Variants in EPHA8 observed in about 807,000 individuals in gnomAD.
EPHA8 encodes the protein ephrin type-A receptor 8.
A neutral mutation model predicts 103.6 loss-of-function variants in EPHA8; 58 were observed. The observed-to-expected ratio is 0.56, with a 90% CI of 0.45 to 0.70. EPHA8 has a LOEUF of 0.70. EPHA8 is among the 30% of genes least tolerant of loss of function. The probability of loss-of-function intolerance (pLI) is 0.00; values close to 1 mark genes in which losing one functional copy is unlikely to be tolerated. For missense variants in EPHA8, 1,304 were observed against 1,395.2 expected, an observed-to-expected ratio of 0.93 and a Z score of 1.04; for synonymous variants, 559 against 572.5, an observed-to-expected ratio of 0.98 and a Z score of 0.34.
intron 2 of EPHA8, among the ~76,000 whole-genome samples, chr1:22,570,791 T>C (rs1177688172): frequency 6.6e-6 from 1 of 152,258 alleles, no homozygotes; most frequent in Non-Finnish European, 1.5e-5. Flanking sequence ...CCAGCACCAC[T>C]GCCTGAGCGC....
At chr1:22,580,833 A>C (rs536590483) in intron 3 of EPHA8, among the ~76,000 whole-genome samples, 1 of 152,348 alleles carries the variant, frequency 6.6e-6, no homozygotes, top group South Asian at 2.1e-4. Flanking sequence ...TGGAGCCTGA[A>C]GACAGGTCTG....
In EPHA8 at chr1:22,576,912, C is replaced by G; in HGVS notation, c.823+32C>G. On this transcript the variant is annotated intron_variant, in intron 3 of 16. Coordinates refer to ENST00000166244, the MANE Select transcript of EPHA8 (RefSeq NM_020526.5). The surrounding 1 kb of genome is among the most constrained non-coding windows in gnomAD (Gnocchi z 4.8). ...GCGCCATGGCCTGGGCATGGGTCAG[C>G]CGGCAGCGGTGCTTGGTCTTGGCAG... 1 of 1,550,244 alleles carries G rather than the reference C, an allele frequency of 6.5e-7. No homozygotes were observed. Among genetic ancestry groups the G allele is most frequent in the Non-Finnish European group, 8.7e-7 (1 of 1,145,158 alleles).
intron 3 of EPHA8, among the ~76,000 whole-genome samples, chr1:22,580,875 G>A (rs566678435): frequency 3.0e-4 from 45 of 152,316 alleles, no homozygotes; most frequent in African/African-American, 9.9e-4. Context: ...GGCTTTTAGC[G>A]TCTCCCTAGC....
intron 7 of EPHA8, 130 bp from the exon 8 acceptor site, chr1:22,595,100 G>A (rs1232889997): frequency 4.8e-6 from 3 of 626,580 alleles, no homozygotes; most frequent in Non-Finnish European, 7.9e-6. Flanking sequence ...CTGACTCTGG[G>A]CTGGCTCATG....
At chr1:22,600,067 T>C (rs111161991) in intron 13 of EPHA8, among the ~76,000 whole-genome samples, 17,468 of 45,594 alleles carry the variant, frequency 0.38, 2,041 homozygotes, top group Admixed American at 0.45. Context: ...GAAGGGGGGA[T>C]GGAGGGAGGA....
Position 22,586,474 on chromosome 1 carries a change from C to G in EPHA8, c.824-6C>G. On this transcript the variant is annotated splice_region_variant and splice_polypyrimidine_tract_variant and intron_variant, in intron 3 of 16. Transcript: ENST00000166244. ...GGCTCATGTGCAGCCGCCTTCTCCT[C>G]CACAGCCTGTGAGCTGGGCTTCTAC... 1 of 1,613,000 alleles carries G rather than the reference C, an allele frequency of 6.2e-7. No homozygotes were observed. Among genetic ancestry groups the G allele is most frequent in the Non-Finnish European group, 8.5e-7 (1 of 1,179,574 alleles).
At chr1:22,586,993 A>G (rs147744273) in intron 4 of EPHA8, among the ~76,000 whole-genome samples, 116 of 152,358 alleles carry the variant, frequency 7.6e-4, no homozygotes, top group Middle Eastern at 6.8e-3. Flanking sequence ...GGAGAGGGTG[A>G]GGGTTAGGGC....
rs560066229 is a variant in EPHA8, at chr1:22,591,502, T to C, written c.1316-1824T>C. ...TCCCACAGTACTGGGATTACAGGCATGAGCCACCATGCCCAGCACCACCGC... is the reference window on the plus strand; with the variant it reads ...TCCCACAGTACTGGGATTACAGGCACGAGCCACCATGCCCAGCACCACCGC... On this transcript the variant is annotated intron_variant, in intron 5 of 16. Coordinates refer to ENST00000166244, the MANE Select transcript of EPHA8 (RefSeq NM_020526.5). Among the ~76,000 whole-genome samples, 144 of 151,862 alleles carry C rather than the reference T, an allele frequency of 9.5e-4. 1 individual carries two copies. The highest frequency in any genetic ancestry group is 4.5e-3 in the Admixed American group (69 of 15,252).
At chr1:22,565,764 TAG>T (rs1166002129) in intron 1 of EPHA8, among the ~76,000 whole-genome samples, 1 of 152,048 alleles carries the variant, frequency 6.6e-6, no homozygotes, top group Non-Finnish European at 1.5e-5. Flanking sequence ...AGGCAAGGTC[TAG>T]AGAGAGAGGC....
At chr1:22,566,572 TA>T (rs1272985332) in intron 1 of EPHA8, among the ~76,000 whole-genome samples, 2 of 152,096 alleles carry the variant, frequency 1.3e-5, no homozygotes, top group Non-Finnish European at 2.9e-5. Context: ...GCAGAGGGGT[TA>T]AGTGCTTCGC....
chr1:22,577,806 A>G (rs538394332), intron 3 of EPHA8, among the ~76,000 whole-genome samples: 40 of 132,724 alleles, frequency 3.0e-4, no homozygotes, highest in African/African-American at 1.0e-3. Context: ...GCGTAAGTGT[A>G]TGTGTGCATG....
At position 22,589,709 on chromosome 1, in the gene EPHA8, C is replaced by CT; in HGVS notation, c.1315+504dup. 2 of 1,044,520 alleles carry CT rather than the reference C, an allele frequency of 1.9e-6. No individual in the cohort carries two copies. Among genetic ancestry groups the CT allele is most frequent in the Non-Finnish European group, 2.3e-6 (2 of 869,324 alleles). The allele number at this position is 1,044,520 out of a possible 1,614,324, so 64.7% of individuals were successfully genotyped here. A position where few individuals can be genotyped will look rare whatever the true frequency, so the allele number is the denominator to read the frequency against. On this transcript the variant is annotated intron_variant, in intron 5 of 16. Coordinates refer to ENST00000166244, the MANE Select transcript of EPHA8 (RefSeq NM_020526.5). The surrounding 1 kb of genome is among the most constrained non-coding windows in gnomAD (Gnocchi z 4.3). ...ACTGGCTTGGACCACAGTAGTTTATCTATCAGTTTCTGGCCAGTTGGTGGG... is the reference window on the plus strand; with the variant it reads ...ACTGGCTTGGACCACAGTAGTTTATCTTATCAGTTTCTGGCCAGTTGGTGGG...
At position 22,601,844 on chromosome 1, in the gene EPHA8, T is replaced by G. The variant is rs931860023; in HGVS notation, c.*103T>G. The G allele has an allele frequency of 6.0e-5, 66 of 1,106,412 alleles. No homozygotes were observed. Among genetic ancestry groups the G allele is most frequent in the Non-Finnish European group, 8.3e-5 (64 of 770,156 alleles). The allele number at this position is 1,106,412 out of a possible 1,614,324, so 68.5% of individuals were successfully genotyped here. On this transcript the variant is annotated 3_prime_UTR_variant, in exon 17 of 17. Transcript: ENST00000166244. Reference sequence around the variant, plus strand: ...AGCAGGCAGGGCGGCCCCAGGCCTCTGCCCTCCTCTCAGGTGCTGGAGGAG... The same window carrying G: ...AGCAGGCAGGGCGGCCCCAGGCCTCGGCCCTCCTCTCAGGTGCTGGAGGAG...
chr1:22,579,131 A>AG (rs1557562551), intron 3 of EPHA8, among the ~76,000 whole-genome samples: 8 of 122,580 alleles, frequency 6.5e-5, no homozygotes, highest in Non-Finnish European at 1.3e-4. Flanking sequence ...GTATGTGTGC[A>AG]TGTGTGTGTG....
chr1:22,571,276 C>T (rs557066809), intron 2 of EPHA8, among the ~76,000 whole-genome samples: 1 of 152,210 alleles, frequency 6.6e-6, no homozygotes, highest in Non-Finnish European at 1.5e-5. Context: ...AACTTAGATT[C>T]GCTGAGCTCT....
rs1641579421 is a variant in EPHA8, at chr1:22,598,267, G to A, written c.2178+55G>A. The stretch of plus-strand genomic sequence containing the variant: ...GGCTTGGGGAGGGAGGTCCAGTCTG[G>A]GTGCTGGGAGATAGTGCAAAGCCCT... On this transcript the variant is annotated intron_variant, in intron 12 of 16. Coordinates refer to ENST00000166244, the MANE Select transcript of EPHA8 (RefSeq NM_020526.5). This position sits in a 1 kb window ranked among gnomAD's most constrained non-coding sequence, Gnocchi z 5.1. 6.4e-7 allele frequency: 1 copy of A among 1,571,176 alleles called. No individual in the cohort carries two copies. Among genetic ancestry groups the A allele is most frequent in the Admixed American group, 1.7e-5 (1 of 57,794 alleles).
chr1:22,588,713 G>A (rs1453953368), intron 4 of EPHA8, among the ~76,000 whole-genome samples, 158 bp from the exon 5 acceptor site: 1 of 152,150 alleles, frequency 6.6e-6, no homozygotes, highest in African/African-American at 2.4e-5. Context: ...TCTGCCCTTG[G>A]GGAGGCTACA....
chr1:22,588,840 C>T lies in EPHA8; in HGVS notation c.980-31C>T, dbSNP rs760162311. The T allele has an allele frequency of 7.1e-6, 11 of 1,547,810 alleles. No homozygotes were observed. The East Asian group carries it at 1.8e-4, about 25-fold the overall frequency. ...AGACAGGACAGCCCAAATAAATAAC[C>T]ACTGCCCCATCTGTCATCCTCTGCC... On this transcript the variant is annotated intron_variant, in intron 4 of 16. Transcript: ENST00000166244.
rs775169452 is a variant in EPHA8, at chr1:22,601,524, G to T, written c.2903+51G>T. The T allele has an allele frequency of 9.8e-5, 157 of 1,596,422 alleles. 1 individual carries two copies. Among genetic ancestry groups the T allele is most frequent in the Non-Finnish European group, 1.3e-4 (148 of 1,171,574 alleles). ...CCATGCGTGTGGGGGCAGGGGGGGG[G>T]ACCCCTGCCGGGGAGGCTACAGGTC... On this transcript the variant is annotated intron_variant, in intron 16 of 16. Transcript: ENST00000166244.
Sources: allele counts gnomAD v4.1 joint callset (sites outside exome capture counted in the v4.1 genomes callset), GRCh38; gene constraint gnomAD v4.1.1; non-coding constraint Gnocchi (gnomAD v3.1); transcripts MANE v1.5; gene names NCBI Gene and HGNC (gene_info 2026-07-23, HGNC 2026-07-21).